ERAP2: variants seen among roughly 807,000 people sequenced by gnomAD.
ERAP2 encodes the protein endoplasmic reticulum aminopeptidase 2, also known as leukocyte-derived arginine aminopeptidase.
A neutral mutation model predicts 111.1 loss-of-function variants in ERAP2; 118 were observed. The ratio of observed to expected loss-of-function variants is 1.06; its 90% CI spans 0.92 to 1.24. ERAP2 has a LOEUF of 1.24. Ranked by LOEUF, ERAP2 falls within the 50% of genes most tolerant of loss-of-function variation. The pLI, the probability that ERAP2 is intolerant of heterozygous loss-of-function variation, is 0.00. For missense variants in ERAP2, 1,131 were observed against 1,125.8 expected (o/e 1.00, Z -0.07); for synonymous variants, 410 against 401.2 (o/e 1.02, Z -0.26).
rs1449767310 is a variant in ERAP2, at chr5:96,901,619, A to G, written c.1686A>G (p.Gln562=). ...AAGACGGGTGTTCACTCCGACTGCA[A>G]CAGGAGCGCTTCCTCCAGGGGGTTT... The part of the protein sequence containing the change: ...VKQDGCSLRL[Q]QERFLQGVFQ... Residue 562 remains glutamine, a synonymous_variant, in exon 11 of 19, where the codon CAA becomes CAG. Coordinates refer to ENST00000437043, the MANE Select transcript of ERAP2 (RefSeq NM_022350.5). 13 of 1,614,086 alleles carry G rather than the reference A, an allele frequency of 8.1e-6. No homozygotes were observed. The South Asian group carries it at 1.3e-4, about 16-fold the overall frequency.
rs542468171 is a variant in ERAP2, at chr5:96,911,765, C to G, written c.2355-872C>G. On this transcript the variant is annotated intron_variant, in intron 15 of 18. Transcript: ENST00000437043. ...CTATGTGCCTATAATCACAGCTGCTCAGGAGGCTGAGGCAAGAGGATTGTG... is the reference window on the plus strand; with the variant it reads ...CTATGTGCCTATAATCACAGCTGCTGAGGAGGCTGAGGCAAGAGGATTGTG... Among the ~76,000 whole-genome samples, 28 of 150,132 alleles carry G rather than the reference C, an allele frequency of 1.9e-4. No individual in the cohort carries two copies. The East Asian group carries it at 4.7e-3, about 25-fold the overall frequency.
At chr5:96,895,428 A>T (rs1326364605) in intron 7 of ERAP2, 69 bp downstream of exon 7, 1 of 1,128,032 alleles carries the variant, frequency 8.9e-7, no homozygotes, top group Admixed American at 2.1e-5. Context: ...TAAAATTTCA[A>T]GTGAATGTTA....
At chr5:96,908,739 T>C (rs1009452216) in intron 13 of ERAP2, among the ~76,000 whole-genome samples, 4 of 152,220 alleles carry the variant, frequency 2.6e-5, no homozygotes, top group African/African-American at 9.6e-5. Context: ...GAAGATAGTA[T>C]TATTATCCCC....
chr5:96,909,432 G>T, intron 14 of ERAP2, 148 bp from the exon 15 acceptor site: 1 of 690,002 alleles, frequency 1.4e-6, no homozygotes. Flanking sequence ...GTAACAGCCA[G>T]AAAAAGATAA....
chr5:96,879,833 C>T lies in ERAP2; in HGVS notation c.148C>T (p.Pro50Ser), dbSNP rs780227787. The change falls in exon 2 of 19, where the codon CCT (proline) becomes TCT (serine). Residue 50 changes from proline to serine, a missense_variant. By Grantham distance (74) the Pro-to-Ser change is moderately conservative (BLOSUM62 -1). Around this residue, in one of 3 missense-constraint regions of ERAP2, gnomAD observed 847 missense variants for 856.5 expected, o/e 0.99. Transcript: ENST00000437043. ...ATCTAGTTATCACTTCACTGAGGAT[C>T]CTGGGGCTTTCCCAGTAGCCACTAA... ...VPSSYHFTED[P>S]GAFPVATNGE... is the part of the protein sequence containing the mutation. The T allele has an allele frequency of 1.9e-6, 3 of 1,614,106 alleles. No individual in the cohort carries two copies. Among genetic ancestry groups the T allele is most frequent in the Non-Finnish European group, 1.7e-6 (2 of 1,180,010 alleles).
chr5:96,908,727 A>G (rs1786372121), intron 13 of ERAP2, among the ~76,000 whole-genome samples: 1 of 152,228 alleles, frequency 6.6e-6, no homozygotes, highest in Non-Finnish European at 1.5e-5. Context: ...CAAGCCTATG[A>G]GGAAGATAGT....
intron 13 of ERAP2, among the ~76,000 whole-genome samples, chr5:96,905,644 G>C (rs983949868): frequency 6.6e-6 from 1 of 152,128 alleles, no homozygotes; most frequent in Non-Finnish European, 1.5e-5. Flanking sequence ...ACCATTTTGG[G>C]AGGCTGAAGC....
rs780809357 is a variant in ERAP2 at position 96,880,000 on chromosome 5, C to T, written c.315C>T (p.Thr105=). Residue 105 remains threonine (T), a synonymous_variant, in exon 2 of 19, where the codon ACC becomes ACT. Coordinates refer to ENST00000437043, the MANE Select transcript of ERAP2 (RefSeq NM_022350.5). ...EKIEVLVSNA[T]QFIILHSKDL... ...TCGAAGTCTTGGTCAGCAATGCTACCCAGTTTATCATCTTGCACAGCAAAG... is the reference window on the plus strand; with the variant it reads ...TCGAAGTCTTGGTCAGCAATGCTACTCAGTTTATCATCTTGCACAGCAAAG... 1 of 1,614,026 alleles carries T rather than the reference C, an allele frequency of 6.2e-7. No homozygotes were observed. The highest frequency in any genetic ancestry group is 1.3e-5 in the African/African-American group (1 of 74,912).
intron 9 of ERAP2, 132 bp from the exon 10 acceptor site, chr5:96,899,989 A>C: frequency 9.2e-7 from 1 of 1,089,012 alleles, no homozygotes; most frequent in Non-Finnish European, 1.3e-6. Context: ...TTCCATTTTT[A>C]TGTTCATTAT....
intron 6 of ERAP2, among the ~76,000 whole-genome samples, chr5:96,892,929 T>A (rs988072255): frequency 3.3e-5 from 5 of 152,200 alleles, no homozygotes; most frequent in African/African-American, 1.2e-4. Context: ...CCTGGGCACA[T>A]ACCTAACTCT....
intron 14 of ERAP2, 62 bp downstream of exon 14, chr5:96,909,179 C>T: frequency 6.5e-7 from 1 of 1,543,418 alleles, no homozygotes; most frequent in Non-Finnish European, 8.9e-7. Flanking sequence ...ATCAGTCAGG[C>T]TCAGTTTGTT....
At chr5:96,910,334 C>T in intron 15 of ERAP2, 1 of 151,316 alleles carries the variant, frequency 6.6e-6, no homozygotes, top group East Asian at 1.9e-4. Flanking sequence ...CTCGCTATAA[C>T]TAAATCTGTG....
intron 17 of ERAP2, 95 bp from the exon 18 acceptor site, chr5:96,915,593 T>G (rs563923677): frequency 1.7e-6 from 1 of 578,500 alleles, no homozygotes; most frequent in Admixed American, 3.7e-5. Flanking sequence ...GCTTATCACA[T>G]AGTTATTAAT....
chr5:96,888,994 T>A (rs1561368369), intron 4 of ERAP2, among the ~76,000 whole-genome samples, 191 bp from the exon 5 acceptor site: 2 of 152,226 alleles, frequency 1.3e-5, no homozygotes. Flanking sequence ...TCAGGGTGTT[T>A]GTAATTTTCA....
Position 96,900,984 on chromosome 5 carries a change from G to A in ERAP2, c.1573-522G>A, listed in dbSNP as rs552305913. 3.3e-5 allele frequency among the ~76,000 whole-genome samples: 5 copies of A among 152,252 alleles called. No individual in the cohort carries two copies. The South Asian group carries it at 8.3e-4, about 25-fold the overall frequency. ...CTGGCCCTAAATTGTGTTTTCTAAA[G>A]GAAGGTTCAGCATCATCCAGTGATC... On this transcript the variant is annotated intron_variant, in intron 10 of 18. Transcript: ENST00000437043.
chr5:96,909,789 C>T, intron 15 of ERAP2, 25 bp downstream of exon 15: 6 of 1,604,224 alleles, frequency 3.7e-6, no homozygotes, highest in Non-Finnish European at 5.1e-6. Context: ...CTGTCCTACC[C>T]TTTGTTCTTT....
At chr5:96,917,400 T>G in intron 18 of ERAP2, 62 bp from the exon 19 acceptor site, 1 of 1,487,254 alleles carries the variant, frequency 6.7e-7, no homozygotes, top group East Asian at 2.5e-5. Context: ...GGATTACAGG[T>G]GTGAACCACC....
chr5:96,877,844 G>A (rs1175375384), intron 1 of ERAP2, among the ~76,000 whole-genome samples: 1 of 122,612 alleles, frequency 8.2e-6, no homozygotes, highest in Non-Finnish European at 1.7e-5. Context: ...TTTTTAAAAA[G>A]AGGGAGAAGT....
chr5:96,903,476 T>C lies in ERAP2; in HGVS notation c.1928T>C (p.Leu643Pro). 2 of 1,614,038 alleles carry C rather than the reference T, an allele frequency of 1.2e-6. No homozygotes were observed. The highest frequency in any genetic ancestry group is 1.1e-5 in the South Asian group (1 of 91,076). The part of the protein sequence containing the change: ...VHYEGHGWDQ[L>P]ITQLNQNHTL... ...TATGAGGGTCATGGATGGGACCAAC[T>C]CATTACACAGCTGAATCAGAACCAC... The change falls in exon 13 of 19, where the codon CTC (leucine) becomes CCC (proline). Residue 643 changes from leucine to proline, a missense_variant. Transcript: ENST00000437043.
Sources: gnomAD v4.1 joint callset for allele counts (sites outside exome capture counted in the v4.1 genomes callset) on GRCh38, gnomAD v4.1.1 for gene constraint, gnomAD v4.1.1 regional missense constraint, MANE v1.5 for transcripts, NCBI Gene and HGNC (gene_info 2026-07-23, HGNC 2026-07-21) for gene names.